PTPN21: variants seen among roughly 807,000 people sequenced by gnomAD.
PTPN21 encodes the protein tyrosine-protein phosphatase non-receptor type 21.
PTPN21 carries 77 observed loss-of-function variants against 131.8 expected under a neutral mutation model. The observed-to-expected ratio is 0.58, with a 90% CI of 0.49 to 0.71. PTPN21 has a LOEUF of 0.71. Among genes scored for constraint, PTPN21 ranks in the 30% least tolerant of loss-of-function variants. The probability of loss-of-function intolerance (pLI) is 0.00; values close to 1 mark genes in which losing one functional copy is unlikely to be tolerated. For synonymous variants in PTPN21, 715 were observed against 621.3 expected (o/e 1.15, Z -2.24); for missense variants, 1,552 against 1,527.1 (o/e 1.02, Z -0.27).
intron 2 of PTPN21, among the ~76,000 whole-genome samples, chr14:88,518,416 T>TATATATATATA (rs2078334519): frequency 2.6e-4 from 2 of 7,804 alleles, no homozygotes; most frequent in Non-Finnish European, 5.3e-4. Context: ...ATATATATAT[T>TATATATATATA]TTTTTTTTTT....
intron 2 of PTPN21, among the ~76,000 whole-genome samples, chr14:88,544,897 G>T (rs1036036809): frequency 6.6e-6 from 1 of 151,784 alleles, no homozygotes; most frequent in East Asian, 1.9e-4. Flanking sequence ...GCGCAGTCTC[G>T]GCTCATTGCA....
In PTPN21 at chr14:88,469,159, T is replaced by C; in HGVS notation, c.3236-83A>G. On this transcript the variant is annotated intron_variant, in intron 17 of 18. Coordinates refer to ENST00000556564, the MANE Select transcript of PTPN21 (RefSeq NM_007039.4). The surrounding 1 kb of genome is among the most constrained non-coding windows in gnomAD (Gnocchi z 4.3). ...GACTCAATCTTCATATTCTCTCCACTGATTAAGAGGACTGCAGATAAAGAG... is the reference window on the plus strand; with the variant it reads ...GACTCAATCTTCATATTCTCTCCACCGATTAAGAGGACTGCAGATAAAGAG... 7.7e-6 allele frequency: 11 copies of C among 1,426,766 alleles called. No homozygotes were observed. Among genetic ancestry groups the C allele is most frequent in the Non-Finnish European group, 1.0e-5 (11 of 1,049,916 alleles). 88.4% of individuals were successfully genotyped at this position (1,426,766 alleles called of 1,614,324 possible).
rs1458086245 is a variant in PTPN21, at chr14:88,468,061, G to T, written c.*76C>A. The T allele has an allele frequency of 1.3e-6, 2 of 1,535,062 alleles. No individual in the cohort carries two copies. The highest frequency in any genetic ancestry group is 1.8e-5 in the Admixed American group (1 of 56,828). ...GCGTGGATCAAGTGTCAACGGGAAA[G>T]TATGAGTTAGGCAAGCGCTTTTTTT... is the stretch of plus-strand genomic sequence containing the variant. On this transcript the variant is annotated 3_prime_UTR_variant, in exon 19 of 19. Coordinates refer to ENST00000556564, the MANE Select transcript of PTPN21 (RefSeq NM_007039.4).
At chr14:88,500,507 C>CCT (rs570783322) in intron 8 of PTPN21, among the ~76,000 whole-genome samples, 1 of 152,246 alleles carries the variant, frequency 6.6e-6, no homozygotes, top group South Asian at 2.1e-4. Context: ...CAAAGAATGG[C>CCT]CTCCATATGG....
rs1430925934 is a variant in PTPN21, at chr14:88,479,870, G to A, written c.1561C>T (p.Pro521Ser). ...PFSLSYSFHS[P>S]SPYPYPAERR... ...TCGGCAGGGTAGGGGTAGGGAGACGGGCTGTGGAAGCTGTAGCTCAGGCTG... is the reference window on the plus strand; with the variant it reads ...TCGGCAGGGTAGGGGTAGGGAGACGAGCTGTGGAAGCTGTAGCTCAGGCTG... The change falls in exon 13 of 19, where the codon CCG (proline) becomes TCG (serine). Residue 521 changes from proline to serine, a missense_variant. Coordinates refer to ENST00000556564, the MANE Select transcript of PTPN21 (RefSeq NM_007039.4). The A allele has an allele frequency of 1.9e-6, 3 of 1,577,650 alleles. No homozygotes were observed. Among genetic ancestry groups the A allele is most frequent in the Middle Eastern group, 1.7e-4 (1 of 5,948 alleles).
intron 13 of PTPN21, among the ~76,000 whole-genome samples, chr14:88,475,062 A>G (rs2077529901): frequency 6.6e-6 from 1 of 152,142 alleles, no homozygotes; most frequent in African/African-American, 2.4e-5. Context: ...ACTGCACTCC[A>G]GCCTGGAGGC....
At chr14:88,524,811 G>A (rs1437246536) in intron 2 of PTPN21, among the ~76,000 whole-genome samples, 3 of 152,136 alleles carry the variant, frequency 2.0e-5, no homozygotes, top group East Asian at 1.9e-4. Context: ...AGGCTAAAGT[G>A]GGAGGCTCAC....
At chr14:88,531,681 CACAG>C (rs1322503823) in intron 2 of PTPN21, among the ~76,000 whole-genome samples, 2 of 152,010 alleles carry the variant, frequency 1.3e-5, no homozygotes, top group South Asian at 2.1e-4. Context: ...TGAAAGAGCA[CACAG>C]ACAATCTATG....
chr14:88,490,940 G>A (rs552017242), intron 10 of PTPN21, among the ~76,000 whole-genome samples: 27 of 152,214 alleles, frequency 1.8e-4, no homozygotes, highest in Non-Finnish European at 2.8e-4. Context: ...CAACTCTCTC[G>A]GCATTTTCCT....
chr14:88,515,088 A>G (rs934197954), intron 3 of PTPN21: 3 of 152,220 alleles, frequency 2.0e-5, no homozygotes, highest in African/African-American at 7.2e-5. Flanking sequence ...TGCGCTGAGG[A>G]TGCTGGAGCA....
At position 88,550,454 on chromosome 14, in the gene PTPN21, AAAAGCTACCCCCACC is replaced by A; in HGVS notation, c.-52_-38del. Reference sequence around the variant, plus strand: ...TTCAAGAATGGAGGAGCAAAGAGGGAAAAGCTACCCCCACCAACCCAGCGCTGGTGACGCCAGGAG... The same window carrying A: ...TTCAAGAATGGAGGAGCAAAGAGGGAAACCCAGCGCTGGTGACGCCAGGAG... On this transcript the variant is annotated 5_prime_UTR_variant, in exon 2 of 19. Coordinates refer to ENST00000556564, the MANE Select transcript of PTPN21 (RefSeq NM_007039.4). 1 of 1,589,278 alleles carries A rather than the reference AAAAGCTACCCCCACC, an allele frequency of 6.3e-7. No individual in the cohort carries two copies. Among genetic ancestry groups the A allele is most frequent in the Non-Finnish European group, 8.6e-7 (1 of 1,161,978 alleles).
chr14:88,487,958 T>A (rs1260218589), intron 10 of PTPN21, among the ~76,000 whole-genome samples: 1 of 99,604 alleles, frequency 1.0e-5, no homozygotes, highest in Non-Finnish European at 2.0e-5. Context: ...AGAGTGAGAC[T>A]CCATCTCAAA....
chr14:88,530,093 T>C (rs1418309857), intron 2 of PTPN21, among the ~76,000 whole-genome samples: 1 of 152,110 alleles, frequency 6.6e-6, no homozygotes, highest in Non-Finnish European at 1.5e-5. Flanking sequence ...GCAGAAACTC[T>C]ACAAGCCAGA....
intron 8 of PTPN21, among the ~76,000 whole-genome samples, chr14:88,497,574 C>T (rs927408156): frequency 3.3e-5 from 5 of 151,650 alleles, no homozygotes; most frequent in African/African-American, 1.2e-4. Flanking sequence ...TGGAGACCAT[C>T]CTGGCTAACA....
intron 6 of PTPN21, 41 bp from the exon 7 acceptor site, chr14:88,501,409 T>G: frequency 1.3e-6 from 2 of 1,488,582 alleles, no homozygotes; most frequent in Non-Finnish European, 1.9e-6. Context: ...AAAGCAAGCT[T>G]AAAATGGTTT....
At position 88,467,881 on chromosome 14, in the gene PTPN21, C is replaced by A; in HGVS notation, c.*256G>T. On this transcript the variant is annotated 3_prime_UTR_variant, in exon 19 of 19. Coordinates refer to ENST00000556564, the MANE Select transcript of PTPN21 (RefSeq NM_007039.4). Reference sequence around the variant, plus strand: ...ATCTCCAAAATGTGTGCAAGTACTGCAAACCGGACAGACCGGGGCAGGGCA... The same window carrying A: ...ATCTCCAAAATGTGTGCAAGTACTGAAAACCGGACAGACCGGGGCAGGGCA... 1 of 493,060 alleles carries A rather than the reference C, an allele frequency of 2.0e-6. No individual in the cohort carries two copies. The highest frequency in any genetic ancestry group is 3.6e-6 in the Non-Finnish European group (1 of 280,166). The allele number at this position is 493,060 out of a possible 1,614,324, so 30.5% of individuals were successfully genotyped here.
rs988162166 is a variant in PTPN21 at position 88,554,763 on chromosome 14, C to G, written c.-315G>C. The stretch of plus-strand genomic sequence containing the variant: ...GCCGCACCCGCACGCCAGCCCGGGC[C>G]GCGGCGCGCTCATGGGGCTCGCACG... On this transcript the variant is annotated 5_prime_UTR_variant, in exon 1 of 19. Coordinates refer to ENST00000556564, the MANE Select transcript of PTPN21 (RefSeq NM_007039.4). The G allele has an allele frequency of 1.5e-3, 224 of 150,154 alleles. 1 individual carries two copies. The highest frequency in any genetic ancestry group is 5.1e-3 in the African/African-American group (211 of 41,288). 9.3% of individuals were successfully genotyped at this position (150,154 alleles called of 1,614,324 possible).
intron 1 of PTPN21, among the ~76,000 whole-genome samples, chr14:88,553,036 G>A (rs2078887358): frequency 1.3e-5 from 2 of 152,098 alleles, no homozygotes; most frequent in African/African-American, 4.8e-5. Context: ...ATTTGTATTA[G>A]GTGCCATTCA....
intron 13 of PTPN21, 94 bp downstream of exon 13, chr14:88,478,826 A>T: frequency 1.3e-6 from 1 of 757,154 alleles, no homozygotes; most frequent in Non-Finnish European, 1.9e-6. Context: ...TAAAAGAACA[A>T]GAGGAGCTGA....
Sources: allele counts gnomAD v4.1 joint callset (sites outside exome capture counted in the v4.1 genomes callset), GRCh38; gene constraint gnomAD v4.1.1; non-coding constraint Gnocchi (gnomAD v3.1); transcripts MANE v1.5; gene names NCBI Gene and HGNC (gene_info 2026-07-23, HGNC 2026-07-21).